The following COMT variants were observed in gnomAD, a reference collection of about 807,000 sequenced individuals.
The protein encoded by COMT is catechol O-methyltransferase.
A neutral mutation model predicts 18.9 loss-of-function variants in COMT; 13 were observed. That is an observed-to-expected ratio of 0.69 (90% CI 0.45 to 1.09). COMT has a LOEUF of 1.09. Ranked by LOEUF, COMT falls within the 50% of genes least tolerant of loss-of-function variation. The pLI is 0.00. For missense variants in COMT, 329 were observed against 361.8 expected, an observed-to-expected ratio of 0.91 and a Z score of 0.73; for synonymous variants, 150 against 160.9, an observed-to-expected ratio of 0.93 and a Z score of 0.51.
intron 1 of COMT, among the ~76,000 whole-genome samples, chr22:19,943,804 TC>T (rs1236750527): frequency 6.6e-6 from 1 of 152,136 alleles, no homozygotes; most frequent in Non-Finnish European, 1.5e-5. Flanking sequence ...CTCAGGGACT[TC>T]CTGGTGTGTG....
At position 19,963,594 on chromosome 22, in the gene COMT, G is replaced by C. The variant is rs151117263; in HGVS notation, c.318G>C (p.Glu106Asp). The C allele has an allele frequency of 8.0e-5, 129 of 1,612,682 alleles. 1 individual carries two copies. Among genetic ancestry groups the C allele is most frequent in the Non-Finnish European group, 7.1e-5 (84 of 1,180,002 alleles). The change falls in exon 4 of 6, where the codon GAG (glutamate) becomes GAC (aspartate). Residue 106 changes from glutamate (E) to aspartate (D), a missense_variant. Physicochemically the swap from Glu to Asp is conservative, Grantham distance 45. Transcript: ENST00000361682. ...AGATCGTGGACGCCGTGATTCAGGA[G>C]CACCAGCCCTCCGTGCTGCTGGAGC... Reference protein sequence around the residue: ...KGKIVDAVIQEHQPSVLLELG... With the variant: ...KGKIVDAVIQDHQPSVLLELG...
chr22:19,946,380 C>T lies in COMT; in HGVS notation c.-92+4483C>T, dbSNP rs9332327. 5.4e-3 allele frequency among the ~76,000 whole-genome samples: 820 copies of T among 152,098 alleles called. 6 individuals are homozygous for T. Among genetic ancestry groups the T allele is most frequent in the African/African-American group, 0.019 (784 of 41,502 alleles). On this transcript the variant is annotated intron_variant, in intron 1 of 5. Coordinates refer to ENST00000361682, the MANE Select transcript of COMT (RefSeq NM_000754.4). ...GCAGACGCCTGTAATCCCAACTACTCGGGAGGCTGAAGTGGGAGAATCGCT... is the reference window on the plus strand; with the variant it reads ...GCAGACGCCTGTAATCCCAACTACTTGGGAGGCTGAAGTGGGAGAATCGCT...
chr22:19,965,774 T>C (rs1423365098), intron 5 of COMT: 2 of 118,558 alleles, frequency 1.7e-5, no homozygotes, highest in Non-Finnish European at 3.3e-5. Context: ...CACTGAACCC[T>C]GGCCGTGGAG....
intron 1 of COMT, among the ~76,000 whole-genome samples, chr22:19,952,181 T>C (rs1941952997): frequency 6.6e-6 from 1 of 152,174 alleles, no homozygotes; most frequent in Non-Finnish European, 1.5e-5. Flanking sequence ...GGCATGCCCC[T>C]GTGTAGTCCC....
chr22:19,964,745 T>G (rs1750657681), intron 5 of COMT: 1 of 436,424 alleles, frequency 2.3e-6, no homozygotes. Context: ...TCTTGTGCAT[T>G]CCCCCAACCC....
At chr22:19,945,491 T>A (rs896838786) in intron 1 of COMT, among the ~76,000 whole-genome samples, 3 of 152,204 alleles carry the variant, frequency 2.0e-5, no homozygotes, top group Admixed American at 1.3e-4. Context: ...CAGATTCTTA[T>A]TGAAGTTATT....
chr22:19,947,318 C>T (rs9606193), intron 1 of COMT, among the ~76,000 whole-genome samples: 2 of 152,064 alleles, frequency 1.3e-5, no homozygotes, highest in East Asian at 1.9e-4. Context: ...GATGAGAGAT[C>T]GTAGAAATAA....
chr22:19,962,736 G>T lies in COMT; in HGVS notation c.210G>T (p.Gly70=). The change falls in exon 3 of 6, where the codon GGG becomes GGT. Residue 70 remains glycine, a synonymous_variant. Transcript: ENST00000361682. ...ACGTGCTGCAGCATGCGGAGCCCGGGAACGCACAGAGCGTGCTGGAGGCCA... is the reference window on the plus strand; with the variant it reads ...ACGTGCTGCAGCATGCGGAGCCCGGTAACGCACAGAGCGTGCTGGAGGCCA... ...LNHVLQHAEP[G]NAQSVLEAID... is the part of the protein sequence containing the mutation. 6.2e-7 allele frequency: 1 copy of T among 1,613,762 alleles called. No homozygotes were observed. Among genetic ancestry groups the T allele is most frequent in the Non-Finnish European group, 8.5e-7 (1 of 1,179,980 alleles).
rs61910731 is a variant in COMT, at chr22:19,963,574, G to C, written c.298G>C (p.Val100Leu). The change falls in exon 4 of 6, where the codon GTG becomes CTG. Residue 100 changes from valine to leucine, a missense_variant. Coordinates refer to ENST00000361682, the MANE Select transcript of COMT (RefSeq NM_000754.4). ...TCCCCAACCCTGCACAGGCAAGATCGTGGACGCCGTGATTCAGGAGCACCA... is the reference window on the plus strand; with the variant it reads ...TCCCCAACCCTGCACAGGCAAGATCCTGGACGCCGTGATTCAGGAGCACCA... The part of the protein sequence containing the change: ...MNVGDKKGKI[V>L]DAVIQEHQPS... 1 of 1,612,184 alleles carries C rather than the reference G, an allele frequency of 6.2e-7. No individual in the cohort carries two copies. Among genetic ancestry groups the C allele is most frequent in the Admixed American group, 1.7e-5 (1 of 60,018 alleles).
At chr22:19,954,237 C>T (rs938037625) in intron 1 of COMT, among the ~76,000 whole-genome samples, 9 of 99,072 alleles carry the variant, frequency 9.1e-5, no homozygotes, top group African/African-American at 3.2e-4. Context: ...AAAAAGCCTT[C>T]CCCTGAGCCT....
intron 1 of COMT, among the ~76,000 whole-genome samples, chr22:19,942,351 G>A (rs113739446): frequency 4.6e-5 from 7 of 152,152 alleles, no homozygotes; most frequent in African/African-American, 1.7e-4. Context: ...CCTGGGGGAG[G>A]GTCTGTGGAG....
Position 19,946,910 on chromosome 22 carries a change from GTTTT to G in COMT, c.-92+5033_-92+5036del, listed in dbSNP as rs35689277. Among the ~76,000 whole-genome samples, 3 of 117,112 alleles carry G rather than the reference GTTTT, an allele frequency of 2.6e-5. 1 individual carries two copies. The highest frequency in any genetic ancestry group is 5.1e-5 in the Non-Finnish European group (3 of 58,932). The allele number at this position is 117,112 out of a possible 152,430, so 76.8% of individuals were successfully genotyped here. The stretch of plus-strand genomic sequence containing the variant: ...TAGCATTAAAAAAAATTTTTTTTTA[GTTTT>G]TTTTTTTTTTTTTTTTTTTGAGACA... On this transcript the variant is annotated intron_variant, in intron 1 of 5. Transcript: ENST00000361682.
intron 1 of COMT, among the ~76,000 whole-genome samples, chr22:19,958,864 G>C (rs1470832412): frequency 6.6e-6 from 1 of 151,902 alleles, no homozygotes; most frequent in Non-Finnish European, 1.5e-5. Flanking sequence ...TGCACTCCAG[G>C]CTGAGCGACA....
Position 19,968,962 on chromosome 22 carries a change from T to C in COMT, c.*226T>C, listed in dbSNP as rs1363524376. 1.9e-6 allele frequency: 1 copy of C among 516,442 alleles called. No individual in the cohort carries two copies. The highest frequency in any genetic ancestry group is 3.3e-5 in the East Asian group (1 of 29,862). The allele number at this position is 516,442 out of a possible 1,614,324, so 32.0% of individuals were successfully genotyped here. ...TTACTAACACTGGCTAGCTATATTA[T>C]CTTATATACTAATATCATGTTTTAA... On this transcript the variant is annotated 3_prime_UTR_variant, in exon 6 of 6. Transcript: ENST00000361682.
At chr22:19,967,251 G>A (rs762949433) in intron 5 of COMT, 158 of 1,290,788 alleles carry the variant, frequency 1.2e-4, no homozygotes, top group Non-Finnish European at 1.4e-4. Context: ...GGCGCAACCC[G>A]AGAAGTCCAG....
rs1569127941 is a variant in COMT, at chr22:19,952,950, CAAAA to C, written c.-91-8246_-91-8243del. On this transcript the variant is annotated intron_variant, in intron 1 of 5. Coordinates refer to ENST00000361682, the MANE Select transcript of COMT (RefSeq NM_000754.4). The stretch of plus-strand genomic sequence containing the variant: ...TGTGTGACAGAGTGACAGCCCGTCT[CAAAA>C]AATAAATAAATAAATAAATAAATAA... Among the ~76,000 whole-genome samples, 6 of 137,826 alleles carry C rather than the reference CAAAA, an allele frequency of 4.4e-5. No homozygotes were observed. The East Asian group carries it at 6.4e-4, about 15-fold the overall frequency. The allele number at this position is 137,826 out of a possible 152,430, so 90.4% of individuals were successfully genotyped here.
chr22:19,965,950 C>G (rs531510802), intron 5 of COMT, among the ~76,000 whole-genome samples: 2 of 152,238 alleles, frequency 1.3e-5, no homozygotes, highest in African/African-American at 2.4e-5. Flanking sequence ...ATGGGCTTCA[C>G]TTGGGCAGGA....
rs1445554964 is a variant in COMT, at chr22:19,941,881, G to T, written c.-108G>T. On this transcript the variant is annotated 5_prime_UTR_variant, in exon 1 of 6. Transcript: ENST00000361682. ...GACCGGGGCGGGTCCAGTCCCGGGCGGGCCGTCGCGGGAGAGGTGAGAGCG... is the reference window on the plus strand; with the variant it reads ...GACCGGGGCGGGTCCAGTCCCGGGCTGGCCGTCGCGGGAGAGGTGAGAGCG... 1.2e-5 allele frequency: 17 copies of T among 1,363,408 alleles called. No homozygotes were observed. Among genetic ancestry groups the T allele is most frequent in the African/African-American group, 1.5e-5 (1 of 65,008 alleles). The allele number at this position is 1,363,408 out of a possible 1,614,324, so 84.5% of individuals were successfully genotyped here.
chr22:19,963,563 C>G lies in COMT; in HGVS notation c.290-3C>G, dbSNP rs1428959883. ...CCTCTCCTCCGTCCCCAACCCTGCACAGGCAAGATCGTGGACGCCGTGATT... is the reference window on the plus strand; with the variant it reads ...CCTCTCCTCCGTCCCCAACCCTGCAGAGGCAAGATCGTGGACGCCGTGATT... On this transcript the variant is annotated splice_polypyrimidine_tract_variant and splice_region_variant and intron_variant, in intron 3 of 5. Transcript: ENST00000361682. 1.2e-6 allele frequency: 2 copies of G among 1,611,778 alleles called. No individual in the cohort carries two copies. Among genetic ancestry groups the G allele is most frequent in the Non-Finnish European group, 1.7e-6 (2 of 1,179,968 alleles).
Sources: gnomAD v4.1 joint callset for allele counts (sites outside exome capture counted in the v4.1 genomes callset) on GRCh38, gnomAD v4.1.1 for gene constraint, MANE v1.5 for transcripts, NCBI Gene and HGNC (gene_info 2026-07-23, HGNC 2026-07-21) for gene names.